DNM3: variants seen among roughly 807,000 people sequenced by gnomAD.
The protein encoded by DNM3 is dynamin 3.
DNM3 carries 47 observed loss-of-function variants against 101.6 expected under a neutral mutation model. That is an observed-to-expected ratio of 0.46 (90% CI 0.37 to 0.59). DNM3 has a LOEUF of 0.59. Ranked by LOEUF, DNM3 falls within the 20% of genes least tolerant of loss-of-function variation. The pLI, the probability that DNM3 is intolerant of heterozygous loss-of-function variation, is 0.00. For synonymous variants in DNM3, 385 were observed against 387.9 expected (o/e 0.99, Z 0.09); for missense variants, 849 against 1,085.7 (o/e 0.78, Z 3.06).
chr1:172,225,179 G>A (rs181052934), intron 14 of DNM3, among the ~76,000 whole-genome samples: 9 of 115,656 alleles, frequency 7.8e-5, no homozygotes, highest in East Asian at 5.2e-4. Flanking sequence ...TTGCTGTGTC[G>A]CCAGGCTGGA....
intron 1 of DNM3, 134 bp from the exon 2 acceptor site, chr1:171,921,613 TG>T: frequency 1.5e-6 from 1 of 672,466 alleles, no homozygotes; most frequent in Non-Finnish European, 2.6e-6. Context: ...TTTATTAAGA[TG>T]GGCCTATCAT....
chr1:172,082,327 T>A (rs1183284158), intron 12 of DNM3, among the ~76,000 whole-genome samples: 1 of 130,936 alleles, frequency 7.6e-6, no homozygotes, highest in African/African-American at 3.5e-5. Flanking sequence ...AGAGGCCTGT[T>A]TTTTTTTTTT....
intron 14 of DNM3, among the ~76,000 whole-genome samples, chr1:172,145,418 C>T (rs28558595): frequency 0.019 from 2,820 of 148,662 alleles, 95 homozygotes; most frequent in African/African-American, 0.066. Context: ...CTCTTTCTCT[C>T]CTTCTCTCTC....
intron 17 of DNM3, among the ~76,000 whole-genome samples, chr1:172,364,780 G>T (rs764274380): frequency 4.6e-5 from 7 of 151,856 alleles, no homozygotes; most frequent in Non-Finnish European, 1.0e-4. Context: ...CCTAGTGACA[G>T]TGAGTGAGTT....
intron 2 of DNM3, among the ~76,000 whole-genome samples, chr1:171,956,730 G>A (rs2042884312): frequency 6.6e-6 from 1 of 152,156 alleles, no homozygotes; most frequent in South Asian, 2.1e-4. Flanking sequence ...GGTTCTCCAT[G>A]AGGGCCCTGC....
intron 1 of DNM3, among the ~76,000 whole-genome samples, chr1:171,876,632 G>C (rs930743822): frequency 6.6e-6 from 1 of 152,154 alleles, no homozygotes; most frequent in Non-Finnish European, 1.5e-5. Flanking sequence ...GTGACTTCCA[G>C]GGCAGATACC....
At chr1:172,317,238 A>G (rs1216415626) in intron 16 of DNM3, among the ~76,000 whole-genome samples, 1 of 151,790 alleles carries the variant, frequency 6.6e-6, no homozygotes, top group Non-Finnish European at 1.5e-5. Context: ...CATTCAAAGC[A>G]GTGTGTAGAG....
intron 14 of DNM3, among the ~76,000 whole-genome samples, chr1:172,240,108 G>A (rs901698285): frequency 2.6e-5 from 4 of 151,994 alleles, no homozygotes; most frequent in African/African-American, 7.2e-5. Flanking sequence ...AAGTACAAAG[G>A]GCATGGTGCC....
At chr1:172,112,013 A>C (rs1400722324) in intron 13 of DNM3, among the ~76,000 whole-genome samples, 1 of 152,158 alleles carries the variant, frequency 6.6e-6, no homozygotes, top group East Asian at 1.9e-4. Flanking sequence ...CATTCTCTGG[A>C]ATATTTGATA....
chr1:172,048,281 TA>T (rs1558482069), intron 9 of DNM3, among the ~76,000 whole-genome samples: 1 of 152,186 alleles, frequency 6.6e-6, no homozygotes, highest in Non-Finnish European at 1.5e-5. Flanking sequence ...TATTTTAGTG[TA>T]TAAAAAGTGA....
intron 13 of DNM3, among the ~76,000 whole-genome samples, chr1:172,100,780 G>GT (rs976281722): frequency 7.9e-5 from 12 of 152,004 alleles, no homozygotes; most frequent in Admixed American, 1.3e-4. Context: ...CCATGAACTA[G>GT]TTTTTTTTCC....
chr1:172,045,981 G>A (rs1304349102), intron 9 of DNM3, among the ~76,000 whole-genome samples: 1 of 152,202 alleles, frequency 6.6e-6, no homozygotes, highest in Non-Finnish European at 1.5e-5. Context: ...TTCAACCATT[G>A]TGAAAGTCAG....
chr1:172,355,087 A>T (rs930159199), intron 17 of DNM3, among the ~76,000 whole-genome samples: 2 of 152,202 alleles, frequency 1.3e-5, no homozygotes, highest in African/African-American at 4.8e-5. Context: ...TACATGCGCA[A>T]GCAGAACCAA....
chr1:172,140,667 A>G (rs916593105), intron 14 of DNM3: 5 of 152,042 alleles, frequency 3.3e-5, no homozygotes, highest in Non-Finnish European at 7.4e-5. Context: ...TTATTAAGGC[A>G]AGATATAAAA....
At chr1:172,138,136 C>A (rs998942623) in intron 14 of DNM3, 1 of 151,886 alleles carries the variant, frequency 6.6e-6, no homozygotes, top group Non-Finnish European at 1.5e-5. Flanking sequence ...GTGGAAGTAT[C>A]AAAAATTTCA....
intron 15 of DNM3, among the ~76,000 whole-genome samples, chr1:172,280,198 T>C (rs1390460954): frequency 6.6e-6 from 1 of 152,078 alleles, no homozygotes; most frequent in Non-Finnish European, 1.5e-5. Flanking sequence ...TTCATGTCTG[T>C]TTTCAAATGC....
chr1:171,892,106 G>C (rs549925712), intron 1 of DNM3, among the ~76,000 whole-genome samples: 2 of 152,224 alleles, frequency 1.3e-5, no homozygotes, highest in East Asian at 3.9e-4. Context: ...TGCTCAAACT[G>C]TTCCCGTGGG....
intron 10 of DNM3, among the ~76,000 whole-genome samples, chr1:172,054,890 C>T (rs1490300291): frequency 2.6e-5 from 4 of 152,018 alleles, no homozygotes; most frequent in East Asian, 3.9e-4. Context: ...ACCTGGGAAG[C>T]GGCGGTTGCA....
At position 172,028,273 on chromosome 1, in the gene DNM3, C is replaced by T. The variant is rs564679744; in HGVS notation, c.590-4129C>T. Among the ~76,000 whole-genome samples, 13 of 152,292 alleles carry T rather than the reference C, an allele frequency of 8.5e-5. No homozygotes were observed. The South Asian group carries it at 1.5e-3, about 17-fold the overall frequency. ...CTCAGGATTAAGAAACTCACGAAAA[C>T]CACACAACGTCATGGAAACTGAACA... On this transcript the variant is annotated intron_variant, in intron 4 of 20. Transcript: ENST00000627582.
Sources: allele counts gnomAD v4.1 joint callset (sites outside exome capture counted in the v4.1 genomes callset), GRCh38; gene constraint gnomAD v4.1.1; transcripts MANE v1.5; gene names NCBI Gene and HGNC (gene_info 2026-07-23, HGNC 2026-07-21).